The following SNX25 variants were observed in gnomAD, a reference collection of about 807,000 sequenced individuals.
SNX25 encodes sorting nexin-25.
A neutral mutation model predicts 113.7 loss-of-function variants in SNX25; 62 were observed. The observed-to-expected ratio is 0.55, with a 90% CI of 0.44 to 0.67. The LOEUF is 0.67. Ranked by LOEUF, SNX25 falls within the 30% of genes least tolerant of loss-of-function variation. The pLI is 0.00. For missense variants in SNX25, 1,014 were observed against 1,161.0 expected, an observed-to-expected ratio of 0.87 and a Z score of 1.84; for synonymous variants, 421 against 436.2, an observed-to-expected ratio of 0.97 and a Z score of 0.43.
At chr4:185,208,446 G>A (rs1325307787), upstream of SNX25, among the ~76,000 whole-genome samples, 2 of 152,082 alleles carry the variant, frequency 1.3e-5, no homozygotes, top group Non-Finnish European at 2.9e-5. Flanking sequence ...AGAATGAAAT[G>A]AGGCCGGGCG....
chr4:185,280,605 A>T (rs1579599784), intron 5 of SNX25, among the ~76,000 whole-genome samples: 2 of 152,252 alleles, frequency 1.3e-5, no homozygotes, highest in Non-Finnish European at 2.9e-5. Flanking sequence ...CCAGCCATTT[A>T]TCAGGCTGGT....
chr4:185,247,225 T>C, intron 1 of SNX25, 69 bp from the exon 2 acceptor site: 1 of 1,046,652 alleles, frequency 9.6e-7, no homozygotes, highest in Non-Finnish European at 1.4e-6. Context: ...TTTCATACCT[T>C]TGATTTTTTT....
At chr4:185,253,032 A>C (rs1162325076) in intron 2 of SNX25, among the ~76,000 whole-genome samples, 1 of 152,156 alleles carries the variant, frequency 6.6e-6, no homozygotes, top group Admixed American at 6.6e-5. Flanking sequence ...AAGATTCTCC[A>C]AAAGCTACAT....
intron 6 of SNX25, among the ~76,000 whole-genome samples, chr4:185,292,439 C>G (rs1449255837): frequency 6.6e-6 from 1 of 152,136 alleles, no homozygotes; most frequent in African/African-American, 2.4e-5. Flanking sequence ...GCTCTTGTCA[C>G]CCGGGCTGGA....
intron 1 of SNX25, among the ~76,000 whole-genome samples, chr4:185,225,183 A>G (rs1256551789): frequency 7.0e-6 from 1 of 142,022 alleles, no homozygotes; most frequent in African/African-American, 2.7e-5. Context: ...CAGTGGCGCC[A>G]TCTCGGCTCA....
downstream of SNX25, among the ~76,000 whole-genome samples, chr4:185,372,042 G>A (rs542054696): frequency 5.5e-4 from 83 of 152,236 alleles, no homozygotes; most frequent in African/African-American, 1.8e-3. Flanking sequence ...GGAGCCTTAC[G>A]GACTCCGAGA....
At chr4:185,266,864 T>G in intron 4 of SNX25, 105 bp from the exon 5 acceptor site, 1 of 1,107,102 alleles carries the variant, frequency 9.0e-7, no homozygotes, top group Non-Finnish European at 1.3e-6. Flanking sequence ...CCTGTTTGAC[T>G]ACTTGAAAAA....
chr4:185,257,328 C>T (rs551205681), intron 2 of SNX25, among the ~76,000 whole-genome samples: 2 of 152,112 alleles, frequency 1.3e-5, no homozygotes, highest in East Asian at 3.9e-4. Flanking sequence ...TTTTATTTTT[C>T]AAAAGACCTA....
At chr4:185,375,530 A>G in the SNX25 span, 28 of 163,512 alleles carry the variant, frequency 1.7e-4, no homozygotes, top group Non-Finnish European at 2.4e-4. Flanking sequence ...ATATATATGT[A>G]TTAAAATATA....
At chr4:185,378,458 C>A in the SNX25 span, 1 of 1,238,128 alleles carries the variant, frequency 8.1e-7, no homozygotes, top group Non-Finnish European at 1.0e-6. Flanking sequence ...CCTGTTTGCA[C>A]GTCCTGTCTG....
At position 185,264,563 on chromosome 4, in the gene SNX25, A is replaced by G. The variant is rs1579533591; in HGVS notation, c.857A>G (p.Gln286Arg). Reference sequence around the variant, plus strand: ...TGTCTCCTCCCCTCAAAGGATGTGCAGTCTCTCAGCTTACGTATAATGCTT... The same window carrying G: ...TGTCTCCTCCCCTCAAAGGATGTGCGGTCTCTCAGCTTACGTATAATGCTT... ...VFCLLPSKDVQSLSLRIMLAE... is the reference protein window; with the variant it reads ...VFCLLPSKDVRSLSLRIMLAE... Residue 286 changes from glutamine to arginine, a missense_variant, in exon 4 of 19, where the codon CAG becomes CGG. Coordinates refer to ENST00000652585, the MANE Select transcript of SNX25 (RefSeq NM_001378034.2). 1 of 1,614,078 alleles carries G rather than the reference A, an allele frequency of 6.2e-7. No individual in the cohort carries two copies. Among genetic ancestry groups the G allele is most frequent in the Non-Finnish European group, 8.5e-7 (1 of 1,179,948 alleles).
chr4:185,337,736 T>A (rs995282802), intron 10 of SNX25, among the ~76,000 whole-genome samples: 2 of 152,202 alleles, frequency 1.3e-5, no homozygotes, highest in African/African-American at 2.4e-5. Context: ...GGTTCCAATC[T>A]CTCCATGTCC....
chr4:185,232,152 G>C lies in SNX25; in HGVS notation c.430-15142G>C, dbSNP rs1414440024. On this transcript the variant is annotated intron_variant, in intron 1 of 18. Transcript: ENST00000652585. This position sits in a 1 kb window ranked among gnomAD's most constrained non-coding sequence, Gnocchi z 4.4. ...CAAAGAATGGACTCAGAGACATGAAGAACAGCAGAAGAGAGACTTTTAATG... is the reference window on the plus strand; with the variant it reads ...CAAAGAATGGACTCAGAGACATGAACAACAGCAGAAGAGAGACTTTTAATG... Among the ~76,000 whole-genome samples the C allele has an allele frequency of 1.3e-5, 2 of 152,182 alleles. No individual in the cohort carries two copies. Among genetic ancestry groups the C allele is most frequent in the Non-Finnish European group, 2.9e-5 (2 of 68,036 alleles).
Position 185,320,696 on chromosome 4 carries a change from C to T in SNX25, c.1345-37C>T, listed in dbSNP as rs779910484. ...TTAAAGCAAACTGACATTTAAAATT[C>T]GATTTTAAAAAAAGTTTTCTTAAAT... On this transcript the variant is annotated intron_variant, in intron 7 of 18. Coordinates refer to ENST00000652585, the MANE Select transcript of SNX25 (RefSeq NM_001378034.2). The T allele has an allele frequency of 2.2e-5, 31 of 1,380,302 alleles. No individual in the cohort carries two copies. In the South Asian group the frequency reaches 2.3e-4, roughly 10 times the overall value. 85.5% of individuals were successfully genotyped at this position (1,380,302 alleles called of 1,614,324 possible).
chr4:185,355,389 A>G (rs2095334651), intron 15 of SNX25, among the ~76,000 whole-genome samples: 2 of 152,248 alleles, frequency 1.3e-5, no homozygotes, highest in Admixed American at 6.5e-5. Context: ...CTTTGAGAGC[A>G]TATGTTTTAG....
Position 185,362,355 on chromosome 4 carries a change from A to C in SNX25, c.2833+250A>C, listed in dbSNP as rs77534105. On this transcript the variant is annotated intron_variant, in intron 17 of 18. Coordinates refer to ENST00000652585, the MANE Select transcript of SNX25 (RefSeq NM_001378034.2). Reference sequence around the variant, plus strand: ...TCCTGCTAAAGTATCGTGTTTTGAGAGCTTAATTTTTAGCAAAATATTAAC... The same window carrying C: ...TCCTGCTAAAGTATCGTGTTTTGAGCGCTTAATTTTTAGCAAAATATTAAC... The C allele has an allele frequency of 5.8e-3, 5,740 of 984,422 alleles. 62 individuals are homozygous for C. Among genetic ancestry groups the C allele is most frequent in the South Asian group, 0.05 (1,060 of 21,234 alleles). 61.0% of individuals were successfully genotyped at this position (984,422 alleles called of 1,614,324 possible).
chr4:185,219,818 C>CTT (rs1032831779), intron 1 of SNX25, among the ~76,000 whole-genome samples: 6 of 152,086 alleles, frequency 3.9e-5, no homozygotes, highest in Non-Finnish European at 8.8e-5. Context: ...CCGAGGGCTG[C>CTT]TTGCAGGCTG....
chr4:185,265,195 C>T (rs929536265), intron 4 of SNX25, among the ~76,000 whole-genome samples: 4 of 152,028 alleles, frequency 2.6e-5, no homozygotes, highest in Admixed American at 1.3e-4. Flanking sequence ...GTTGATAATG[C>T]GTATACAGTA....
intron 9 of SNX25, among the ~76,000 whole-genome samples, chr4:185,324,929 T>C (rs2095145816): frequency 6.6e-6 from 1 of 152,130 alleles, no homozygotes; most frequent in Non-Finnish European, 1.5e-5. Flanking sequence ...TGCTGTGAAA[T>C]AGCTGTAATC....
Sources: allele counts gnomAD v4.1 joint callset (sites outside exome capture counted in the v4.1 genomes callset), GRCh38; gene constraint gnomAD v4.1.1; non-coding constraint Gnocchi (gnomAD v3.1); transcripts MANE v1.5; gene names NCBI Gene and HGNC (gene_info 2026-07-23, HGNC 2026-07-21).